BLOC1S5: variants seen among roughly 807,000 people sequenced by gnomAD.
BLOC1S5 encodes biogenesis of lysosomal organelles complex 1 subunit 5.
BLOC1S5 carries 27 observed loss-of-function variants against 24.3 expected under a neutral mutation model. That is an observed-to-expected ratio of 1.11 (90% CI 0.82 to 1.53). The LOEUF (loss-of-function observed/expected upper bound fraction) is 1.53, where lower values mean the gene tolerates loss of function less well. BLOC1S5 is among the 40% of genes most tolerant of loss of function. The pLI, the probability that BLOC1S5 is intolerant of heterozygous loss-of-function variation, is 0.00. For missense variants in BLOC1S5, 239 were observed against 229.4 expected (o/e 1.04, Z -0.27); for synonymous variants, 84 against 74.5 (o/e 1.13, Z -0.66).
intron 3 of BLOC1S5, among the ~76,000 whole-genome samples, chr6:8,030,882 A>G (rs1763274460): frequency 1.3e-5 from 2 of 151,840 alleles, no homozygotes; most frequent in Non-Finnish European, 2.9e-5. Context: ...AAAAAATCAC[A>G]TGATCATCTC....
At chr6:8,043,491 T>C (rs1352523448) in intron 2 of BLOC1S5, among the ~76,000 whole-genome samples, 1 of 152,048 alleles carries the variant, frequency 6.6e-6, no homozygotes, top group African/African-American at 2.4e-5. Flanking sequence ...CCAGATTGGA[T>C]ACCTAGCCAG....
At chr6:8,053,883 G>A (rs2815150) in intron 2 of BLOC1S5, among the ~76,000 whole-genome samples, 62,101 of 151,868 alleles carry the variant, frequency 0.41, 14,618 homozygotes, top group East Asian at 0.8. Context: ...TGGTGTTCTT[G>A]TTCTCACAGT....
At chr6:8,036,089 A>G (rs796293268) in intron 3 of BLOC1S5, among the ~76,000 whole-genome samples, 62 of 148,070 alleles carry the variant, frequency 4.2e-4, no homozygotes, top group African/African-American at 1.6e-3. Context: ...GAAACTTGGA[A>G]AATACACACA....
At chr6:8,028,070 T>A (rs568502320) in intron 3 of BLOC1S5, among the ~76,000 whole-genome samples, 1 of 152,296 alleles carries the variant, frequency 6.6e-6, no homozygotes, top group South Asian at 2.1e-4. Context: ...CATTTATTAA[T>A]ATCTTGCCTT....
intron 4 of BLOC1S5, among the ~76,000 whole-genome samples, chr6:8,022,039 T>A (rs1320062718): frequency 6.6e-6 from 1 of 151,824 alleles, no homozygotes; most frequent in African/African-American, 2.4e-5. Context: ...TAGAGATAAT[T>A]TGAAATAGAA....
chr6:8,049,327 C>T (rs12660671), intron 2 of BLOC1S5, among the ~76,000 whole-genome samples: 65,270 of 150,982 alleles, frequency 0.43, 15,334 homozygotes, highest in East Asian at 0.8. Flanking sequence ...GCCGCGATCG[C>T]GCCATTGCAC....
intron 3 of BLOC1S5, among the ~76,000 whole-genome samples, chr6:8,034,263 A>G (rs908674803): frequency 2.6e-5 from 4 of 152,242 alleles, no homozygotes; most frequent in African/African-American, 7.2e-5. Flanking sequence ...GATTAAGAAA[A>G]TGTGGCACAT....
intron 1 of BLOC1S5, among the ~76,000 whole-genome samples, 167 bp downstream of exon 1, chr6:8,064,098 C>G (rs987582720): frequency 6.6e-6 from 1 of 152,172 alleles, no homozygotes; most frequent in African/African-American, 2.4e-5. Context: ...TGTGGTGGGA[C>G]GCATTTGGCG....
intron 2 of BLOC1S5, among the ~76,000 whole-genome samples, chr6:8,051,240 C>T (rs1039920278): frequency 6.6e-6 from 1 of 151,750 alleles, no homozygotes; most frequent in Non-Finnish European, 1.5e-5. Context: ...AGTGAAACAG[C>T]CTTATTGCTG....
chr6:8,062,330 G>C (rs1271012925), intron 2 of BLOC1S5, among the ~76,000 whole-genome samples: 1 of 151,808 alleles, frequency 6.6e-6, no homozygotes, highest in Non-Finnish European at 1.5e-5. Context: ...CCTAGAGCAG[G>C]CACCAGAACT....
In BLOC1S5 at chr6:8,030,449, C is replaced by T. The variant is rs535114871; in HGVS notation, c.326-4024G>A. On this transcript the variant is annotated intron_variant, in intron 3 of 4. Coordinates refer to ENST00000397457, the MANE Select transcript of BLOC1S5 (RefSeq NM_201280.3). ...CTGGGATTACAGGCGTGAGCCACCA[C>T]GCCTGGCCAGATTAAAATAATTTTT... 7.5e-3 allele frequency among the ~76,000 whole-genome samples: 1,142 copies of T among 151,972 alleles called. 7 individuals are homozygous for T. The highest frequency in any genetic ancestry group is 0.012 in the Non-Finnish European group (802 of 67,958).
At chr6:8,018,931 A>C (rs1473591470) in intron 4 of BLOC1S5, among the ~76,000 whole-genome samples, 2 of 152,268 alleles carry the variant, frequency 1.3e-5, no homozygotes, top group Admixed American at 1.3e-4. Flanking sequence ...TCCTAGATTC[A>C]ATTTAATCCT....
intron 4 of BLOC1S5, among the ~76,000 whole-genome samples, chr6:8,017,506 A>T (rs1289548384): frequency 6.6e-6 from 1 of 152,216 alleles, no homozygotes; most frequent in Non-Finnish European, 1.5e-5. Context: ...GTTAACTCAG[A>T]TGTCAGCCAC....
At position 8,052,478 on chromosome 6, in the gene BLOC1S5, A is replaced by G. The variant is rs1469908753; in HGVS notation, c.195+10056T>C. Among the ~76,000 whole-genome samples, 3 of 152,198 alleles carry G rather than the reference A, an allele frequency of 2.0e-5. No individual in the cohort carries two copies. The East Asian group carries it at 5.8e-4, about 29-fold the overall frequency. ...CATGGGAAGAGGTCAAAGTATCAAC[A>G]TTAACAGGAGTTTGGAAGAAGTTGA... On this transcript the variant is annotated intron_variant, in intron 2 of 4. Transcript: ENST00000397457.
At chr6:8,032,153 A>G (rs780143145) in intron 3 of BLOC1S5, among the ~76,000 whole-genome samples, 1 of 152,222 alleles carries the variant, frequency 6.6e-6, no homozygotes, top group Non-Finnish European at 1.5e-5. Flanking sequence ...TCTGCACAGC[A>G]AAAGAAATAA....
At chr6:8,032,672 A>T (rs891615303) in intron 3 of BLOC1S5, among the ~76,000 whole-genome samples, 5 of 152,324 alleles carry the variant, frequency 3.3e-5, no homozygotes, top group African/African-American at 9.6e-5. Context: ...AATTAGGAAA[A>T]CAGGAAGTCA....
At chr6:8,036,282 A>G (rs1763482992) in intron 3 of BLOC1S5, among the ~76,000 whole-genome samples, 2 of 150,720 alleles carry the variant, frequency 1.3e-5, no homozygotes, top group Admixed American at 1.3e-4. Context: ...AAGACTTCAA[A>G]TAAACAACCT....
At chr6:8,027,858 A>G (rs1052729031) in intron 3 of BLOC1S5, among the ~76,000 whole-genome samples, 2 of 151,992 alleles carry the variant, frequency 1.3e-5, no homozygotes, top group Non-Finnish European at 2.9e-5. Context: ...GCAATCAAGA[A>G]CTGCTCATTG....
intron 3 of BLOC1S5, among the ~76,000 whole-genome samples, chr6:8,040,663 T>C (rs778057162): frequency 6.6e-6 from 1 of 152,008 alleles, no homozygotes; most frequent in Non-Finnish European, 1.5e-5. Context: ...CAAGACCACC[T>C]TGGCCAACAT....
Sources: gnomAD v4.1 joint callset for allele counts (sites outside exome capture counted in the v4.1 genomes callset) on GRCh38, gnomAD v4.1.1 for gene constraint, MANE v1.5 for transcripts, NCBI Gene and HGNC (gene_info 2026-07-23, HGNC 2026-07-21) for gene names.